The following SMURF2 variants were observed in gnomAD, a reference collection of about 807,000 sequenced individuals.
The protein encoded by SMURF2 is E3 ubiquitin-protein ligase SMURF2.
SMURF2 carries 48 observed loss-of-function variants against 109.6 expected under a neutral mutation model. The ratio of observed to expected loss-of-function variants is 0.44; its 90% CI spans 0.35 to 0.56. The LOEUF is 0.56. SMURF2 is among the 20% of genes least tolerant of loss of function. SMURF2 has a pLI of 0.01. For missense variants in SMURF2, 575 were observed against 909.0 expected, an observed-to-expected ratio of 0.63 and a Z score of 4.72; for synonymous variants, 288 against 317.1, an observed-to-expected ratio of 0.91 and a Z score of 0.97.
rs544040158 is a variant in SMURF2, at chr17:64,661,886, C to CGGCGGCGGG, written c.-15_-7dup. 3.7e-4 allele frequency: 450 copies of CGGCGGCGGG among 1,202,336 alleles called. No homozygotes were observed. The highest frequency in any genetic ancestry group is 2.0e-3 in the Middle Eastern group (6 of 3,056). The allele number at this position is 1,202,336 out of a possible 1,614,324, so 74.5% of individuals were successfully genotyped here. A position where few individuals can be genotyped will look rare whatever the true frequency, so the allele number is the denominator to read the frequency against. ...CGGCCTCCGGGGTTAGACATGTCCC[C>CGGCGGCGGG]GGCGGCGGGGGCGGCGGGGGCGGCG... On this transcript the variant is annotated 5_prime_UTR_variant, in exon 1 of 19. Transcript: ENST00000262435.
chr17:64,608,095 CAA>C (rs1418753969), intron 1 of SMURF2, among the ~76,000 whole-genome samples: 2 of 151,484 alleles, frequency 1.3e-5, no homozygotes, highest in Middle Eastern at 3.2e-3. Context: ...AAACTTGATA[CAA>C]GAGAAAGAAA....
intron 5 of SMURF2, 84 bp from the exon 6 acceptor site, chr17:64,586,254 C>T (rs782700747): frequency 1.1e-5 from 9 of 790,234 alleles, no homozygotes; most frequent in Non-Finnish European, 1.8e-5. Flanking sequence ...CAGAAGACAT[C>T]TGACTTAGCT....
chr17:64,602,100 T>G (rs1969906648), intron 2 of SMURF2, among the ~76,000 whole-genome samples: 1 of 151,902 alleles, frequency 6.6e-6, no homozygotes, highest in African/African-American at 2.4e-5. Context: ...CATCGTATGT[T>G]CTCAGTCACA....
chr17:64,587,253 A>G (rs1190671866), intron 5 of SMURF2, among the ~76,000 whole-genome samples: 1 of 152,158 alleles, frequency 6.6e-6, no homozygotes, highest in Non-Finnish European at 1.5e-5. Context: ...CCAGCAAAAG[A>G]GCAATTCTTG....
intron 13 of SMURF2, among the ~76,000 whole-genome samples, chr17:64,556,286 A>T (rs1454890159): frequency 6.6e-6 from 1 of 152,058 alleles, no homozygotes; most frequent in Admixed American, 6.6e-5. Context: ...TCATTCAACT[A>T]CTTGCAGATC....
In SMURF2 at chr17:64,644,379, G is replaced by GT. The variant is rs1970530486; in HGVS notation, c.52+17449dup. On this transcript the variant is annotated intron_variant, in intron 1 of 18. Coordinates refer to ENST00000262435, the MANE Select transcript of SMURF2 (RefSeq NM_022739.4). Reference sequence around the variant, plus strand: ...CAGGAAGATCTAATTGAGCTCAGGAGTTTGAGACCAGCCTTGGCAACACAT... The same window carrying GT: ...CAGGAAGATCTAATTGAGCTCAGGAGTTTTGAGACCAGCCTTGGCAACACAT... Among the ~76,000 whole-genome samples, 3 of 150,680 alleles carry GT rather than the reference G, an allele frequency of 2.0e-5. No individual in the cohort carries two copies. The South Asian group carries it at 6.3e-4, about 32-fold the overall frequency.
chr17:64,599,694 C>T (rs1322299426), intron 2 of SMURF2, among the ~76,000 whole-genome samples: 2 of 152,210 alleles, frequency 1.3e-5, no homozygotes, highest in Admixed American at 6.5e-5. Context: ...TTATGAGAAT[C>T]TAAAGTCTGA....
intron 1 of SMURF2, among the ~76,000 whole-genome samples, chr17:64,627,760 T>C (rs1200241664): frequency 6.6e-6 from 1 of 152,106 alleles, no homozygotes; most frequent in Non-Finnish European, 1.5e-5. Flanking sequence ...CTATAGACCA[T>C]CTCCAGCCAG....
chr17:64,573,270 A>G (rs1256332494), intron 9 of SMURF2, among the ~76,000 whole-genome samples: 4 of 57,120 alleles, frequency 7.0e-5, no homozygotes, highest in African/African-American at 3.3e-4. Context: ...GAGGAGGAGG[A>G]GGAGGGGGAG....
chr17:64,575,359 G>A (rs544702207), intron 9 of SMURF2, among the ~76,000 whole-genome samples: 2 of 151,748 alleles, frequency 1.3e-5, no homozygotes, highest in Non-Finnish European at 2.9e-5. Flanking sequence ...CACCATGTTG[G>A]CCAGGCTGGT....
chr17:64,548,391 T>C (rs1968990353), intron 16 of SMURF2, among the ~76,000 whole-genome samples: 2 of 152,016 alleles, frequency 1.3e-5, no homozygotes, highest in South Asian at 2.1e-4. Flanking sequence ...ATTTGCTTAA[T>C]AATTTTTTTT....
At chr17:64,550,852 T>A (rs1472967702) in intron 16 of SMURF2, among the ~76,000 whole-genome samples, 1 of 152,024 alleles carries the variant, frequency 6.6e-6, no homozygotes, top group Non-Finnish European at 1.5e-5. Flanking sequence ...TCAAATGCTT[T>A]CTTGCAAGCT....
intron 1 of SMURF2, among the ~76,000 whole-genome samples, chr17:64,629,570 T>C (rs1555691427): frequency 6.6e-6 from 1 of 152,198 alleles, no homozygotes. Context: ...CTTACCAAAG[T>C]AGATTACACC....
chr17:64,589,575 G>A (rs1969721614), intron 5 of SMURF2, among the ~76,000 whole-genome samples: 1 of 151,810 alleles, frequency 6.6e-6, no homozygotes, highest in South Asian at 2.1e-4. Flanking sequence ...TACCACCCGA[G>A]CTCTGCCTCC....
At chr17:64,605,563 G>T (rs1969957762) in intron 2 of SMURF2, among the ~76,000 whole-genome samples, 2 of 150,928 alleles carry the variant, frequency 1.3e-5, no homozygotes, top group South Asian at 4.2e-4. Context: ...CCTCTACAAA[G>T]AATAGTAAAT....
intron 1 of SMURF2, among the ~76,000 whole-genome samples, chr17:64,630,285 T>C (rs1555691480): frequency 6.6e-6 from 1 of 152,114 alleles, no homozygotes; most frequent in African/African-American, 2.4e-5. Context: ...GCAAAAATCC[T>C]AGAAGATATT....
At chr17:64,589,012 G>A (rs1969711532) in intron 5 of SMURF2, among the ~76,000 whole-genome samples, 3 of 152,088 alleles carry the variant, frequency 2.0e-5, no homozygotes, top group South Asian at 2.1e-4. Flanking sequence ...ATTTGTTAGA[G>A]GGCTCATTCT....
intron 12 of SMURF2, among the ~76,000 whole-genome samples, chr17:64,560,387 C>A: frequency 6.6e-6 from 1 of 151,948 alleles, no homozygotes; most frequent in East Asian, 1.9e-4. Flanking sequence ...GTATGATGTA[C>A]AAGGGATTAT....
At chr17:64,633,450 G>A (rs988408303) in intron 1 of SMURF2, among the ~76,000 whole-genome samples, 4 of 152,188 alleles carry the variant, frequency 2.6e-5, no homozygotes, top group East Asian at 1.9e-4. Flanking sequence ...TACCCACACC[G>A]GTATCATTCC....
Sources: allele counts gnomAD v4.1 joint callset (sites outside exome capture counted in the v4.1 genomes callset), GRCh38; gene constraint gnomAD v4.1.1; transcripts MANE v1.5; gene names NCBI Gene and HGNC (gene_info 2026-07-23, HGNC 2026-07-21).